LTBP2: variants seen among roughly 807,000 people sequenced by gnomAD.
LTBP2 encodes latent transforming growth factor beta binding protein 2, also known as latent-transforming growth factor beta-binding protein 2.
A neutral mutation model predicts 210.6 loss-of-function variants in LTBP2; 103 were observed. The ratio of observed to expected loss-of-function variants is 0.49; its 90% confidence interval spans 0.42 to 0.58. LTBP2 has a LOEUF of 0.58. Ranked by LOEUF, LTBP2 falls within the 20% of genes least tolerant of loss-of-function variation. LTBP2 has a pLI of 0.00. For missense variants in LTBP2, 2,313 were observed against 2,494.5 expected, an observed-to-expected ratio of 0.93 and a Z score of 1.55; for synonymous variants, 1,007 against 1,015.0, an observed-to-expected ratio of 0.99 and a Z score of 0.15.
intron 9 of LTBP2, among the ~76,000 whole-genome samples, 160 bp downstream of exon 9, chr14:74,535,766 C>T (rs756712784): frequency 4.6e-5 from 7 of 152,108 alleles, no homozygotes; most frequent in Non-Finnish European, 1.0e-4. Context: ...CCCTGGATTT[C>T]CTTAGTCCCC....
chr14:74,598,200 G>A (rs1219804073), intron 2 of LTBP2, among the ~76,000 whole-genome samples: 1 of 152,226 alleles, frequency 6.6e-6, no homozygotes, highest in Non-Finnish European at 1.5e-5. Context: ...ACTTTGGGAT[G>A]TGGTTGTCAT....
Position 74,508,224 on chromosome 14 carries a change from GA to G in LTBP2, c.3653-130del, listed in dbSNP as rs2087017040. 3 of 1,183,430 alleles carry G rather than the reference GA, an allele frequency of 2.5e-6. No individual in the cohort carries two copies. The East Asian group carries it at 7.7e-5, about 30-fold the overall frequency. The allele number at this position is 1,183,430 out of a possible 1,614,324, so 73.3% of individuals were successfully genotyped here. A position where few individuals can be genotyped will look rare whatever the true frequency, so the allele number is the denominator to read the frequency against. ...GAGTGGCTTATGTAGGAAAAGGCTC[GA>G]AGCCAGAGGCCAGGCTGTGGGAGGT... On this transcript the variant is annotated intron_variant, in intron 24 of 35. Coordinates refer to ENST00000261978, the MANE Select transcript of LTBP2 (RefSeq NM_000428.3).
intron 34 of LTBP2, chr14:74,501,836 T>A (rs945714118): frequency 1.8e-6 from 1 of 554,134 alleles, no homozygotes; most frequent in Admixed American, 3.1e-5. Context: ...CCAGGGAGGC[T>A]GAGACTCGCT....
At chr14:74,607,253 C>T (rs2088539359) in intron 1 of LTBP2, among the ~76,000 whole-genome samples, 1 of 152,180 alleles carries the variant, frequency 6.6e-6, no homozygotes, top group African/African-American at 2.4e-5. Context: ...CGCTAGTCCC[C>T]CTTCCAATAG....
intron 8 of LTBP2, among the ~76,000 whole-genome samples, chr14:74,543,759 A>G (rs996920163): frequency 1.3e-5 from 2 of 152,188 alleles, no homozygotes; most frequent in African/African-American, 4.8e-5. Context: ...CACTTGTCCC[A>G]TTTTAGGAAT....
At chr14:74,553,923 CGTGTGTGTGTGT>C (rs34143485) in intron 4 of LTBP2, among the ~76,000 whole-genome samples, 33 of 130,634 alleles carry the variant, frequency 2.5e-4, no homozygotes, top group East Asian at 7.0e-4. Flanking sequence ...AGCGGAGAAA[CGTGTGTGTGTGT>C]GTGTGTGTGT....
chr14:74,527,017 G>A (rs764991760), intron 13 of LTBP2, among the ~76,000 whole-genome samples: 5 of 152,160 alleles, frequency 3.3e-5, no homozygotes, highest in African/African-American at 4.8e-5. Context: ...TCCACACCTC[G>A]TCTGCAGTGC....
In LTBP2 at chr14:74,553,005, C is replaced by T; in HGVS notation, c.1079G>A (p.Cys360Tyr). 6.2e-7 allele frequency: 1 copy of T among 1,614,222 alleles called. No individual in the cohort carries two copies. Among genetic ancestry groups the T allele is most frequent in the Non-Finnish European group, 8.5e-7 (1 of 1,180,034 alleles). ...KIKIVFTPTICKQTCARGHCA... is the reference protein window; with the variant it reads ...KIKIVFTPTIYKQTCARGHCA... ...GTGTCCACGGGCACAGGTCTGCTTG[C>T]AGATGGTGGGAGTGAAGACGATCTT... The change falls in exon 5 of 36, where the codon TGC becomes TAC. Residue 360 changes from cysteine (C) to tyrosine (Y), a missense_variant. Physicochemically the swap from Cys to Tyr is radical, Grantham distance 194 (BLOSUM62 -2). Around this residue, in one of 3 missense-constraint regions of LTBP2, gnomAD observed 1,867 missense variants for 1,976.9 expected, o/e 0.94. Transcript: ENST00000261978.
intron 24 of LTBP2, among the ~76,000 whole-genome samples, chr14:74,508,358 C>T (rs188907067): frequency 5.3e-5 from 8 of 152,190 alleles, no homozygotes; most frequent in African/African-American, 7.2e-5. Flanking sequence ...CTGCTGTCAA[C>T]GTCGTGAAGA....
At chr14:74,609,996 G>A (rs2088582355) in intron 1 of LTBP2, among the ~76,000 whole-genome samples, 1 of 152,240 alleles carries the variant, frequency 6.6e-6, no homozygotes, top group Non-Finnish European at 1.5e-5. Context: ...CGACTTGGCA[G>A]TGCATGGGTC....
intron 6 of LTBP2, 25 bp from the exon 7 acceptor site, chr14:74,551,375 G>A (rs1420885193): frequency 1.3e-6 from 2 of 1,533,352 alleles, no homozygotes; most frequent in South Asian, 2.6e-5. Flanking sequence ...TAGAGTCAGA[G>A]CCAGGGAAGC....
At chr14:74,610,924 G>T (rs1223791725) in intron 1 of LTBP2, among the ~76,000 whole-genome samples, 3 of 152,198 alleles carry the variant, frequency 2.0e-5, no homozygotes, top group Admixed American at 2.0e-4. Flanking sequence ...TGCGCAGGCC[G>T]ACCCACGCCC....
intron 10 of LTBP2, among the ~76,000 whole-genome samples, chr14:74,531,706 CGG>C (rs1387514043): frequency 5.3e-5 from 8 of 152,228 alleles, no homozygotes; most frequent in Admixed American, 5.2e-4. Context: ...CATCCAACCT[CGG>C]CTGCTGCCTC....
At chr14:74,596,097 C>T (rs1595299154) in intron 2 of LTBP2, among the ~76,000 whole-genome samples, 1 of 152,046 alleles carries the variant, frequency 6.6e-6, no homozygotes, top group African/African-American at 2.4e-5. Context: ...TGGTAGCACA[C>T]ACCTGTAATC....
chr14:74,551,200 G>T lies in LTBP2; in HGVS notation c.1550C>A (p.Ala517Asp), dbSNP rs2087650897. ...GTCCCAGAGGCTGTGGCCAGGGCTG[G>T]CAGGCAGCCAGGGCGGGGGTCTGGT... The part of the protein sequence containing the change: ...VETRPPPWLP[A>D]SPGHSLWDSN... The change falls in exon 7 of 36, where the codon GCC (alanine) becomes GAC (aspartate). Residue 517 changes from alanine (A) to aspartate (D), a missense_variant. By Grantham distance (126) the Ala-to-Asp change is moderately radical. Coordinates refer to ENST00000261978, the MANE Select transcript of LTBP2 (RefSeq NM_000428.3). 6.2e-7 allele frequency: 1 copy of T among 1,613,566 alleles called. No homozygotes were observed. Among genetic ancestry groups the T allele is most frequent in the Admixed American group, 1.7e-5 (1 of 59,996 alleles).
rs987210120 is a variant in LTBP2, at chr14:74,500,092, C to T, written c.*792G>A. ...CCCATGGCAGCCCTTGCTGCTGGTG[C>T]CCACAGGCTATCACTGGGCGGATTC... On this transcript the variant is annotated 3_prime_UTR_variant, in exon 36 of 36. Coordinates refer to ENST00000261978, the MANE Select transcript of LTBP2 (RefSeq NM_000428.3). 2.6e-5 allele frequency: 6 copies of T among 232,904 alleles called. No homozygotes were observed. The highest frequency in any genetic ancestry group is 1.3e-4 in the African/African-American group (6 of 45,290). 14.4% of individuals were successfully genotyped at this position (232,904 alleles called of 1,614,324 possible).
chr14:74,597,846 G>A (rs1426543550), intron 2 of LTBP2, among the ~76,000 whole-genome samples: 1 of 152,176 alleles, frequency 6.6e-6, no homozygotes, highest in Non-Finnish European at 1.5e-5. Flanking sequence ...ATCCGGAGAT[G>A]AGACTTTCCT....
intron 3 of LTBP2, among the ~76,000 whole-genome samples, chr14:74,557,731 G>A (rs1407683130): frequency 1.3e-5 from 2 of 152,170 alleles, no homozygotes; most frequent in East Asian, 1.9e-4. Flanking sequence ...CTGTGTATAC[G>A]ACAGTGTCTG....
At chr14:74,528,351 C>T in intron 12 of LTBP2, 132 bp downstream of exon 12, 1 of 1,048,170 alleles carries the variant, frequency 9.5e-7, no homozygotes, top group Non-Finnish European at 1.5e-6. Flanking sequence ...GGTGCTGCTG[C>T]TCCAAGCTCC....
Sources: allele counts gnomAD v4.1 joint callset (sites outside exome capture counted in the v4.1 genomes callset), GRCh38; gene constraint gnomAD v4.1.1; regional missense constraint gnomAD v4.1.1; transcripts MANE v1.5; gene names NCBI Gene and HGNC (gene_info 2026-07-23, HGNC 2026-07-21).